ZNF585A: variants seen among roughly 807,000 people sequenced by gnomAD.
The protein encoded by ZNF585A is zinc finger protein 585A.
ZNF585A carries 9 observed loss-of-function variants against 14.9 expected under a neutral mutation model. The ratio of observed to expected loss-of-function variants is 0.60; its 90% CI spans 0.36 to 1.05. The LOEUF (loss-of-function observed/expected upper bound fraction) is 1.05. ZNF585A is among the 50% of genes least tolerant of loss of function. The pLI, the probability that ZNF585A is intolerant of heterozygous loss-of-function variation, is 0.01. For synonymous variants in ZNF585A, 276 were observed against 319.9 expected (o/e 0.86, Z 1.46); for missense variants, 726 against 926.4 (o/e 0.78, Z 2.81).
At chr19:37,156,185 T>A in intron 3 of ZNF585A, 44 bp downstream of exon 3, 1 of 1,604,436 alleles carries the variant, frequency 6.2e-7, no homozygotes, top group Non-Finnish European at 8.5e-7. Flanking sequence ...ATGAAAACAC[T>A]CTCAGTGAGG....
chr19:37,152,007 T>C lies in ZNF585A; in HGVS notation c.1892A>G (p.Glu631Gly). 2 of 1,613,630 alleles carry C rather than the reference T, an allele frequency of 1.2e-6. No individual in the cohort carries two copies. The highest frequency in any genetic ancestry group is 1.7e-6 in the Non-Finnish European group (2 of 1,179,700). ...GCACTCGGCACACACATAGGGTTTC[T>C]CTCCTGTGTGAACTGGCTGATGCAC... is the stretch of plus-strand genomic sequence containing the variant. ...LLVHQPVHTG[E>G]KPYVCAECGK... The change falls in exon 5 of 5, where the codon GAG (glutamate) becomes GGG (glycine). Residue 631 changes from glutamate (E) to glycine (G), a missense_variant. Glu to Gly is a moderately conservative substitution (Grantham distance 98). Around this residue, in one of 2 missense-constraint regions of ZNF585A, gnomAD observed 243 missense variants for 383.6 expected, o/e 0.63. Coordinates refer to ENST00000292841, the MANE Select transcript of ZNF585A (RefSeq NM_001288800.2).
At position 37,146,207 on chromosome 19, in the gene ZNF585A, C is replaced by T. The variant is rs1448276947; in HGVS notation, c.*5382G>A. The T allele has an allele frequency of 6.6e-6, 1 of 151,894 alleles. No individual in the cohort carries two copies. Among genetic ancestry groups the T allele is most frequent in the African/African-American group, 2.4e-5 (1 of 41,292 alleles). The allele number at this position is 151,894 out of a possible 1,614,324, so 9.4% of individuals were successfully genotyped here. A position where few individuals can be genotyped will look rare whatever the true frequency, so the allele number is the denominator to read the frequency against. ...ACCATCCTGGCCAACATGGTGAAAC[C>T]CCATCTCTACTAAAAATACAAAAAA... On this transcript the variant is annotated 3_prime_UTR_variant, in exon 5 of 5. Transcript: ENST00000292841.
At chr19:37,163,471 TAA>T (rs900465264) in intron 2 of ZNF585A, among the ~76,000 whole-genome samples, 1 of 128,068 alleles carries the variant, frequency 7.8e-6, no homozygotes, top group Non-Finnish European at 1.7e-5. Context: ...AACACAAAAA[TAA>T]AAGTCTCCCT....
rs752953229 is a variant in ZNF585A at position 37,152,538 on chromosome 19, T to C, written c.1361A>G (p.His454Arg). 3 of 1,614,050 alleles carry C rather than the reference T, an allele frequency of 1.9e-6. No homozygotes were observed. Among genetic ancestry groups the C allele is most frequent in the Non-Finnish European group, 2.5e-6 (3 of 1,180,036 alleles). Residue 454 changes from histidine to arginine, a missense_variant, in exon 5 of 5, where the codon CAT becomes CGT. Transcript: ENST00000292841. Reference protein sequence around the residue: ...GKLFTSKSQLHVHKRIHTGEK... With the variant: ...GKLFTSKSQLRVHKRIHTGEK... The stretch of plus-strand genomic sequence containing the variant: ...TCCTGTGTGAATTCGTTTATGAACA[T>C]GGAGTTGCGACTTGGAGGTAAACAA...
intron 4 of ZNF585A, 89 bp from the exon 5 acceptor site, chr19:37,153,695 G>T: frequency 2.6e-6 from 3 of 1,169,256 alleles, no homozygotes; most frequent in South Asian, 3.0e-5. Flanking sequence ...TTTTTATTAT[G>T]ACTGTATAAA....
At position 37,151,219 on chromosome 19, in the gene ZNF585A, CA is replaced by C. The variant is rs1317139809; in HGVS notation, c.*369del. On this transcript the variant is annotated 3_prime_UTR_variant, in exon 5 of 5. Transcript: ENST00000292841. ...CTACGTATTATGTTGTTTTATCATT[CA>C]ATTTGTTGGCACTATACCTAATCCA... The C allele has an allele frequency of 2.4e-6, 1 of 412,450 alleles. No homozygotes were observed. Among genetic ancestry groups the C allele is most frequent in the Non-Finnish European group, 4.3e-6 (1 of 233,220 alleles). The allele number at this position is 412,450 out of a possible 1,614,324, so 25.5% of individuals were successfully genotyped here. A position where few individuals can be genotyped will look rare whatever the true frequency, so the allele number is the denominator to read the frequency against.
intron 2 of ZNF585A, among the ~76,000 whole-genome samples, chr19:37,160,027 G>C (rs10406110): frequency 0.56 from 85,746 of 151,868 alleles, 25,865 homozygotes; most frequent in African/African-American, 0.77. Context: ...ATGTAAGCTT[G>C]TACCTCAAAA....
At chr19:37,155,781 T>C (rs1350094832) in intron 4 of ZNF585A, 84 bp downstream of exon 4, 1 of 1,449,824 alleles carries the variant, frequency 6.9e-7, no homozygotes, top group Non-Finnish European at 9.6e-7. Flanking sequence ...ATCTTAATAG[T>C]ATTCCAAGGG....
At chr19:37,167,692 G>T (rs944039117) in intron 2 of ZNF585A, among the ~76,000 whole-genome samples, 1 of 151,608 alleles carries the variant, frequency 6.6e-6, no homozygotes, top group Non-Finnish European at 1.5e-5. Context: ...CACGATCTCG[G>T]CTCACTACAA....
chr19:37,155,843 G>A (rs16972028), intron 4 of ZNF585A, 22 bp downstream of exon 4: 78,967 of 1,611,270 alleles, frequency 0.049, 4,008 homozygotes, highest in African/African-American at 0.26. Context: ...CCATCTACCG[G>A]ATTCACACTC....
chr19:37,171,521 C>T lies in ZNF585A; in HGVS notation c.-145+1106G>A, dbSNP rs113352083. 7.8e-3 allele frequency among the ~76,000 whole-genome samples: 1,186 copies of T among 152,270 alleles called. 22 individuals carry two copies. Among genetic ancestry groups the T allele is most frequent in the African/African-American group, 0.027 (1,140 of 41,544 alleles). Reference sequence around the variant, plus strand: ...ACAATATCCACTGCTGGAAAAGCATCTGGGAAAATGAGTTATTTTATAAAT... The same window carrying T: ...ACAATATCCACTGCTGGAAAAGCATTTGGGAAAATGAGTTATTTTATAAAT... On this transcript the variant is annotated intron_variant, in intron 1 of 4. Transcript: ENST00000292841.
At chr19:37,164,266 G>C (rs931183637) in intron 2 of ZNF585A, among the ~76,000 whole-genome samples, 1 of 152,048 alleles carries the variant, frequency 6.6e-6, no homozygotes, top group Non-Finnish European at 1.5e-5. Flanking sequence ...AGCAGGGCGT[G>C]GTGGCGGGCG....
At chr19:37,169,793 T>C in intron 2 of ZNF585A, 46 bp downstream of exon 2, 1 of 1,602,668 alleles carries the variant, frequency 6.2e-7, no homozygotes, top group Non-Finnish European at 8.5e-7. Flanking sequence ...CAGAGATACC[T>C]AGTCCTGGAT....
rs1336764121 is a variant in ZNF585A at position 37,152,618 on chromosome 19, T to A, written c.1281A>T (p.Ala427=). 1.2e-6 allele frequency: 2 copies of A among 1,614,058 alleles called. No individual in the cohort carries two copies. Among genetic ancestry groups the A allele is most frequent in the Non-Finnish European group, 1.7e-6 (2 of 1,180,030 alleles). The stretch of plus-strand genomic sequence containing the variant: ...TCTCTCCAGTATGAATTATTTGATG[T>A]GCAATCAAGTGTGCCTTCTGAATGA... ...LAFIQKAHLI[A]HQIIHTGEKP... The change falls in exon 5 of 5, where the codon GCA becomes GCT. Residue 427 remains alanine (A), a synonymous_variant. Transcript: ENST00000292841.
chr19:37,165,024 A>G (rs1053678151), intron 2 of ZNF585A, among the ~76,000 whole-genome samples: 3 of 152,312 alleles, frequency 2.0e-5, no homozygotes, highest in Admixed American at 2.0e-4. Context: ...AAAATGTGGT[A>G]AATGGTATTT....
intron 4 of ZNF585A, among the ~76,000 whole-genome samples, chr19:37,153,823 C>T (rs183208541): frequency 3.9e-5 from 6 of 152,108 alleles, no homozygotes; most frequent in African/African-American, 1.2e-4. Flanking sequence ...GTCATATTGC[C>T]TCTTTGTTGT....
chr19:37,145,825 G>A lies in ZNF585A; in HGVS notation c.*5764C>T, dbSNP rs189583717. 1.3e-5 allele frequency: 2 copies of A among 152,200 alleles called. No homozygotes were observed. The highest frequency in any genetic ancestry group is 2.9e-5 in the Non-Finnish European group (2 of 68,052). 9.4% of individuals were successfully genotyped at this position (152,200 alleles called of 1,614,324 possible). A position where few individuals can be genotyped will look rare whatever the true frequency, so the allele number is the denominator to read the frequency against. ...CACCTGAAGGTGGCAGAAACTAGCA[G>A]AGACAGAGGATTTCTTAGCATCAGA... On this transcript the variant is annotated 3_prime_UTR_variant, in exon 5 of 5. Transcript: ENST00000292841.
chr19:37,156,911 T>C (rs1413559551), intron 2 of ZNF585A, among the ~76,000 whole-genome samples: 10 of 152,160 alleles, frequency 6.6e-5, no homozygotes, highest in Admixed American at 6.6e-4. Flanking sequence ...AGGCTGGTCT[T>C]GAACTGCTGA....
At chr19:37,167,214 G>A (rs1055728575) in intron 2 of ZNF585A, among the ~76,000 whole-genome samples, 16 of 152,040 alleles carry the variant, frequency 1.1e-4, no homozygotes, top group South Asian at 4.2e-4. Context: ...TCACTCTGTC[G>A]CCTGGGCTGA....
Sources: allele counts gnomAD v4.1 joint callset (sites outside exome capture counted in the v4.1 genomes callset), GRCh38; gene constraint gnomAD v4.1.1; regional missense constraint gnomAD v4.1.1; transcripts MANE v1.5; gene names NCBI Gene and HGNC (gene_info 2026-07-23, HGNC 2026-07-21).